Variants in FAM83F observed in about 807,000 individuals in gnomAD.
FAM83F encodes scaffolding CK1 anchoring protein F.
A neutral mutation model predicts 42.9 loss-of-function variants in FAM83F; 45 were observed. That is an observed-to-expected ratio of 1.05 (90% CI 0.83 to 1.35). The LOEUF (loss-of-function observed/expected upper bound fraction) is 1.35, where lower values mean the gene tolerates loss of function less well. FAM83F is among the 40% of genes most tolerant of loss of function. The pLI is 0.00. For synonymous variants in FAM83F, 306 were observed against 298.3 expected, an observed-to-expected ratio of 1.03 and a Z score of -0.27; for missense variants, 617 against 695.9, an observed-to-expected ratio of 0.89 and a Z score of 1.28.
chr22:40,026,384 G>C (rs186938220), intron 4 of FAM83F, among the ~76,000 whole-genome samples: 1 of 152,094 alleles, frequency 6.6e-6, no homozygotes, highest in African/African-American at 2.4e-5. Flanking sequence ...GCCAGGCATG[G>C]TGGCACTTGC....
intron 1 of FAM83F, chr22:40,009,626 G>T (rs1454624651): frequency 6.5e-6 from 1 of 153,052 alleles, no homozygotes; most frequent in African/African-American, 2.4e-5. Context: ...ATGGGATTTG[G>T]TCGGTGGGGA....
chr22:40,036,517 A>T lies in FAM83F; in HGVS notation c.*6952A>T, dbSNP rs1007494184. The T allele has an allele frequency of 7.9e-5, 12 of 152,234 alleles. No homozygotes were observed. Among genetic ancestry groups the T allele is most frequent in the Admixed American group, 7.2e-4 (11 of 15,284 alleles). 9.4% of individuals were successfully genotyped at this position (152,234 alleles called of 1,614,324 possible). ...AGTTTGTGGTGAAATAAACAATTTT[A>T]GTTTGTTTGGAGAATCTTTTGTATA... is the stretch of plus-strand genomic sequence containing the variant. On this transcript the variant is annotated 3_prime_UTR_variant, in exon 5 of 5. Coordinates refer to ENST00000333407, the MANE Select transcript of FAM83F (RefSeq NM_138435.4).
rs1301658271 is a variant in FAM83F at position 40,038,319 on chromosome 22, G to A, written c.*8754G>A. On this transcript the variant is annotated 3_prime_UTR_variant, in exon 5 of 5. Transcript: ENST00000333407. ...ATGGAGGAGGGGACAATGAGGCAAG[G>A]CATTCCAGGGAAAGGTCCAGAGCCT... 1 of 152,262 alleles carries A rather than the reference G, an allele frequency of 6.6e-6. No individual in the cohort carries two copies. Among genetic ancestry groups the A allele is most frequent in the Non-Finnish European group, 1.5e-5 (1 of 68,090 alleles). The allele number at this position is 152,262 out of a possible 1,614,324, so 9.4% of individuals were successfully genotyped here. A position where few individuals can be genotyped will look rare whatever the true frequency, so the allele number is the denominator to read the frequency against.
chr22:39,999,873 T>C (rs1355227047), intron 1 of FAM83F, among the ~76,000 whole-genome samples: 1 of 152,194 alleles, frequency 6.6e-6, no homozygotes, highest in Non-Finnish European at 1.5e-5. Context: ...GGTTTGTCCC[T>C]TTTCCTTCAA....
chr22:40,029,407 C>T, intron 4 of FAM83F, 109 bp from the exon 5 acceptor site: 1 of 1,433,530 alleles, frequency 7.0e-7, no homozygotes, highest in Non-Finnish European at 9.4e-7. Context: ...AGACAGTGAC[C>T]CCAGCCCCTC....
chr22:40,006,304 C>T (rs917074326), intron 1 of FAM83F, among the ~76,000 whole-genome samples: 2 of 152,084 alleles, frequency 1.3e-5, no homozygotes, highest in African/African-American at 4.8e-5. Context: ...TGGACCAGGA[C>T]TCAGGCCCAA....
chr22:40,011,978 A>T (rs1353578666), intron 1 of FAM83F, among the ~76,000 whole-genome samples: 3 of 152,168 alleles, frequency 2.0e-5, no homozygotes, highest in Non-Finnish European at 4.4e-5. Flanking sequence ...CAGTGCTCCC[A>T]CCCACCAGCA....
intron 4 of FAM83F, among the ~76,000 whole-genome samples, chr22:40,027,692 A>G (rs767281906): frequency 6.6e-6 from 1 of 152,228 alleles, no homozygotes; most frequent in Non-Finnish European, 1.5e-5. Flanking sequence ...GGGCTAGGAA[A>G]TGAATTCTGA....
chr22:40,023,166 C>A lies in FAM83F; in HGVS notation c.1453+1203C>A, dbSNP rs1490170687. Among the ~76,000 whole-genome samples, 4 of 152,232 alleles carry A rather than the reference C, an allele frequency of 2.6e-5. No homozygotes were observed. Among genetic ancestry groups the A allele is most frequent in the Non-Finnish European group, 5.9e-5 (4 of 68,044 alleles). On this transcript the variant is annotated intron_variant, in intron 4 of 4. Coordinates refer to ENST00000333407, the MANE Select transcript of FAM83F (RefSeq NM_138435.4). This position sits in a 1 kb window ranked among gnomAD's most constrained non-coding sequence, Gnocchi z 4.1. ...TCTCTCTCCCCTTCTGCCCCCACAA[C>A]CACCCTTCAAGCACAGAGGTGGCAG...
At chr22:40,003,341 G>A (rs955744288) in intron 1 of FAM83F, among the ~76,000 whole-genome samples, 4 of 152,086 alleles carry the variant, frequency 2.6e-5, no homozygotes, top group African/African-American at 9.7e-5. Flanking sequence ...TCCTAGCCCA[G>A]CAACTGTCAG....
intron 1 of FAM83F, among the ~76,000 whole-genome samples, chr22:39,998,259 G>A (rs1257289371): frequency 6.6e-6 from 1 of 152,140 alleles, no homozygotes; most frequent in Non-Finnish European, 1.5e-5. Flanking sequence ...AGGGACACGG[G>A]GGAACTGCCG....
rs78984543 is a variant in FAM83F at position 40,027,211 on chromosome 22, G to A, written c.1454-2305G>A. Among the ~76,000 whole-genome samples, 597 of 152,248 alleles carry A rather than the reference G, an allele frequency of 3.9e-3. 2 individuals are homozygous for A. Among genetic ancestry groups the A allele is most frequent in the Middle Eastern group, 0.014 (4 of 294 alleles). On this transcript the variant is annotated intron_variant, in intron 4 of 4. Coordinates refer to ENST00000333407, the MANE Select transcript of FAM83F (RefSeq NM_138435.4). The stretch of plus-strand genomic sequence containing the variant: ...AGCAAGACTTCAATGGAAGGAGAGG[G>A]CCCTGTGGACATCTGAGGGAAGATT...
chr22:39,999,019 G>T (rs1014609364), intron 1 of FAM83F: 5 of 152,230 alleles, frequency 3.3e-5, no homozygotes, highest in Non-Finnish European at 4.4e-5. Flanking sequence ...TGGAAGGATT[G>T]TGCATCCGTT....
Position 40,019,984 on chromosome 22 carries a change from A to G in FAM83F, c.755A>G (p.Asp252Gly), listed in dbSNP as rs116438980. The stretch of plus-strand genomic sequence containing the variant: ...TCAAGGTTCCTGATGGTGGACGGTG[A>G]CAAAGTGGCCACTGGATCTTACAGG... The part of the protein sequence containing the change: ...LSSRFLMVDG[D>G]KVATGSYRFT... Residue 252 changes from aspartate to glycine, a missense_variant, in exon 3 of 5, where the codon GAC becomes GGC. By Grantham distance (94) the Asp-to-Gly change is moderately conservative (BLOSUM62 -1). Coordinates refer to ENST00000333407, the MANE Select transcript of FAM83F (RefSeq NM_138435.4). 5.5e-4 allele frequency: 892 copies of G among 1,613,518 alleles called. 6 individuals carry two copies. The African/African-American group carries it at 0.011, about 20-fold the overall frequency.
At chr22:40,005,184 A>G (rs1324806136) in intron 1 of FAM83F, among the ~76,000 whole-genome samples, 2 of 152,204 alleles carry the variant, frequency 1.3e-5, no homozygotes, top group Non-Finnish European at 2.9e-5. Context: ...ACCCTGATAG[A>G]TCAATCAAGA....
intron 1 of FAM83F, among the ~76,000 whole-genome samples, 195 bp from the exon 2 acceptor site, chr22:40,018,973 C>T (rs563841953): frequency 1.3e-5 from 2 of 152,270 alleles, no homozygotes; most frequent in East Asian, 3.9e-4. Flanking sequence ...AGCACACGGC[C>T]TGCACCCCCA....
chr22:40,026,404 C>T (rs1318755912), intron 4 of FAM83F, among the ~76,000 whole-genome samples: 1 of 152,164 alleles, frequency 6.6e-6, no homozygotes, highest in Admixed American at 6.5e-5. Flanking sequence ...CCTGTAGTCC[C>T]AGCTACTCGG....
chr22:39,995,378 C>T lies in FAM83F; in HGVS notation c.336C>T (p.Ser112=). 5 of 1,546,258 alleles carry T rather than the reference C, an allele frequency of 3.2e-6. No homozygotes were observed. The highest frequency in any genetic ancestry group is 4.4e-6 in the Non-Finnish European group (5 of 1,146,696). ...GESLAYWPDR[S]DTEVPPLDLG... ...CCCTGGCCTACTGGCCCGACCGTTC[C>T]GACACCGAGGTGCCTCCTCTGGACC... Residue 112 remains serine, a synonymous_variant, in exon 1 of 5, where the codon TCC becomes TCT. Transcript: ENST00000333407. This position sits in a 1 kb window ranked among gnomAD's most constrained non-coding sequence, Gnocchi z 4.6.
chr22:40,019,523 T>G (rs1373923021), intron 2 of FAM83F, among the ~76,000 whole-genome samples, 188 bp downstream of exon 2: 2 of 152,244 alleles, frequency 1.3e-5, no homozygotes, highest in African/African-American at 2.4e-5. Flanking sequence ...CTGAATCATA[T>G]GCCCAGTTTC....
Sources: gnomAD v4.1 joint callset for allele counts (sites outside exome capture counted in the v4.1 genomes callset) on GRCh38, gnomAD v4.1.1 for gene constraint, Gnocchi (gnomAD v3.1) non-coding constraint, MANE v1.5 for transcripts, NCBI Gene and HGNC (gene_info 2026-07-23, HGNC 2026-07-21) for gene names.